Variants in ITGA2 observed in about 807,000 individuals in gnomAD.
The protein encoded by ITGA2 is integrin subunit alpha 2.
A neutral mutation model predicts 146.3 loss-of-function variants in ITGA2; 101 were observed. The observed-to-expected ratio is 0.69, with a 90% CI of 0.59 to 0.81. The LOEUF is 0.81. Ranked by LOEUF, ITGA2 falls within the 40% of genes least tolerant of loss-of-function variation. The pLI, the probability that ITGA2 is intolerant of heterozygous loss-of-function variation, is 0.00. For missense variants in ITGA2, 1,281 were observed against 1,402.7 expected, an observed-to-expected ratio of 0.91 and a Z score of 1.39; for synonymous variants, 477 against 487.1, an observed-to-expected ratio of 0.98 and a Z score of 0.27.
In ITGA2 at chr5:53,090,808, G is replaced by A; in HGVS notation, c.*209G>A. The A allele has an allele frequency of 4.9e-6, 3 of 608,408 alleles. No individual in the cohort carries two copies. The highest frequency in any genetic ancestry group is 2.0e-5 in the South Asian group (1 of 50,022). The allele number at this position is 608,408 out of a possible 1,614,324, so 37.7% of individuals were successfully genotyped here. A position where few individuals can be genotyped will look rare whatever the true frequency, so the allele number is the denominator to read the frequency against. Reference sequence around the variant, plus strand: ...CGGGGGGCAGGTAGGGAAATAATAGGGAAAATACCTATTTTATATGATGGG... The same window carrying A: ...CGGGGGGCAGGTAGGGAAATAATAGAGAAAATACCTATTTTATATGATGGG... On this transcript the variant is annotated 3_prime_UTR_variant, in exon 30 of 30. Coordinates refer to ENST00000296585, the MANE Select transcript of ITGA2 (RefSeq NM_002203.4).
intron 7 of ITGA2, among the ~76,000 whole-genome samples, 190 bp from the exon 8 acceptor site, chr5:53,055,348 C>T (rs930274811): frequency 6.6e-6 from 1 of 151,986 alleles, no homozygotes; most frequent in Non-Finnish European, 1.5e-5. Flanking sequence ...TAATGTCAAG[C>T]AAGACTTCCA....
At chr5:53,005,174 C>T (rs889311476) in intron 1 of ITGA2, among the ~76,000 whole-genome samples, 1 of 151,756 alleles carries the variant, frequency 6.6e-6, no homozygotes, top group African/African-American at 2.4e-5. Context: ...TGTGTGACTT[C>T]CTGGAGGGTC....
intron 10 of ITGA2, 50 bp from the exon 11 acceptor site, chr5:53,059,824 T>C (rs1230942085): frequency 1.9e-6 from 3 of 1,577,582 alleles, no homozygotes; most frequent in African/African-American, 1.3e-5. Flanking sequence ...TGCATTCTTA[T>C]GTTTTAAAGG....
chr5:53,001,976 G>A (rs1033680659), intron 1 of ITGA2, among the ~76,000 whole-genome samples: 2 of 152,104 alleles, frequency 1.3e-5, no homozygotes, highest in African/African-American at 4.8e-5. Context: ...CAGTGGGAGA[G>A]TTGGTTAAAA....
At chr5:53,024,968 G>A (rs1211437876) in intron 1 of ITGA2, among the ~76,000 whole-genome samples, 1 of 152,114 alleles carries the variant, frequency 6.6e-6, no homozygotes, top group African/African-American at 2.4e-5. Flanking sequence ...GTGAATTGCT[G>A]TATAATTGAA....
chr5:53,067,649 G>T (rs3212559), intron 16 of ITGA2, among the ~76,000 whole-genome samples: 15 of 151,862 alleles, frequency 9.9e-5, no homozygotes, highest in African/African-American at 3.6e-4. Flanking sequence ...TTCAGTAAAA[G>T]TATCAAGTAT....
chr5:53,005,872 G>A (rs1280610882), intron 1 of ITGA2, among the ~76,000 whole-genome samples: 1 of 152,112 alleles, frequency 6.6e-6, no homozygotes, highest in East Asian at 1.9e-4. Flanking sequence ...CAGAGGCCAA[G>A]CTCTTAGGCA....
chr5:53,027,991 G>A (rs926268016), intron 2 of ITGA2, among the ~76,000 whole-genome samples: 2 of 152,022 alleles, frequency 1.3e-5, no homozygotes, highest in Non-Finnish European at 2.9e-5. Context: ...CGAGCTGGGA[G>A]GTTGGCTTGA....
At chr5:53,067,539 C>T (rs1367482126) in intron 16 of ITGA2, among the ~76,000 whole-genome samples, 1 of 151,850 alleles carries the variant, frequency 6.6e-6, no homozygotes, top group Non-Finnish European at 1.5e-5. Context: ...CTCTTACCTC[C>T]ATTTCTCTTA....
At chr5:53,046,278 G>A (rs3212468) in intron 4 of ITGA2, among the ~76,000 whole-genome samples, 15,610 of 150,632 alleles carry the variant, frequency 0.1, 938 homozygotes, top group Middle Eastern at 0.16. Flanking sequence ...CCATTGGCAC[G>A]CTTTCTTAAA....
At chr5:53,062,725 T>C in intron 12 of ITGA2, 61 bp from the exon 13 acceptor site, 1 of 1,531,408 alleles carries the variant, frequency 6.5e-7, no homozygotes, top group South Asian at 1.1e-5. Flanking sequence ...AAATGTTCAG[T>C]GTAATATTAG....
At chr5:53,062,758 C>A (rs1744956239) in intron 12 of ITGA2, 28 bp from the exon 13 acceptor site, 2 of 1,606,044 alleles carry the variant, frequency 1.2e-6, no homozygotes, top group Admixed American at 3.3e-5. Context: ...CCTAGGAATT[C>A]TAAGTTTAAC....
chr5:53,090,177 G>T (rs905601257), intron 29 of ITGA2, 115 bp downstream of exon 29: 8 of 751,704 alleles, frequency 1.1e-5, no homozygotes, highest in South Asian at 4.5e-5. Flanking sequence ...AAGGAGAAAA[G>T]AAATGCAAAT....
chr5:53,045,488 G>C (rs1015534523), intron 4 of ITGA2, among the ~76,000 whole-genome samples: 2 of 152,118 alleles, frequency 1.3e-5, no homozygotes, highest in African/African-American at 4.8e-5. Flanking sequence ...TGAGTAATCT[G>C]GTGTTATCTG....
At chr5:53,034,521 A>G (rs1303448780) in intron 2 of ITGA2, among the ~76,000 whole-genome samples, 2 of 152,122 alleles carry the variant, frequency 1.3e-5, no homozygotes, top group Non-Finnish European at 2.9e-5. Flanking sequence ...ACATGAATAC[A>G]TACACACCCA....
intron 3 of ITGA2, among the ~76,000 whole-genome samples, chr5:53,043,272 C>G (rs1743893036): frequency 1.4e-5 from 2 of 146,882 alleles, no homozygotes; most frequent in South Asian, 4.3e-4. Flanking sequence ...TTATATAGTC[C>G]AAAAATTTTA....
At position 53,026,280 on chromosome 5, in the gene ITGA2, G is replaced by A. The variant is rs142775859; in HGVS notation, c.65-468G>A. Among the ~76,000 whole-genome samples, 137 of 152,290 alleles carry A rather than the reference G, an allele frequency of 9.0e-4. 5 individuals are homozygous for A. In the East Asian group the frequency reaches 0.025, roughly 28 times the overall value. On this transcript the variant is annotated intron_variant, in intron 1 of 29. Transcript: ENST00000296585. ...ATGTCAAGATGTTCAAGGTGATTCAGAATAAATAGATGATACCCTTCAGCC... is the reference window on the plus strand; with the variant it reads ...ATGTCAAGATGTTCAAGGTGATTCAAAATAAATAGATGATACCCTTCAGCC...
intron 2 of ITGA2, among the ~76,000 whole-genome samples, chr5:53,029,045 G>T (rs1743093791): frequency 6.6e-6 from 1 of 152,198 alleles, no homozygotes; most frequent in Non-Finnish European, 1.5e-5. Context: ...GCCAAGGCGG[G>T]TGGATCACTT....
chr5:53,039,025 G>T (rs1743646022), intron 2 of ITGA2, among the ~76,000 whole-genome samples: 1 of 152,128 alleles, frequency 6.6e-6, no homozygotes, highest in Non-Finnish European at 1.5e-5. Context: ...CCCAGGAAGT[G>T]GAGGTTACAG....
Sources: allele counts gnomAD v4.1 joint callset (sites outside exome capture counted in the v4.1 genomes callset), GRCh38; gene constraint gnomAD v4.1.1; transcripts MANE v1.5; gene names NCBI Gene and HGNC (gene_info 2026-07-23, HGNC 2026-07-21).